The following DLG2 variants were observed in gnomAD, a reference collection of about 807,000 sequenced individuals.
The protein encoded by DLG2 is disks large homolog 2.
Under a neutral mutation model 132.5 loss-of-function variants are expected in DLG2, and 45 were observed. That is an observed-to-expected ratio of 0.34 (90% CI 0.27 to 0.44). DLG2 has a LOEUF of 0.44. Ranked by LOEUF, DLG2 falls within the 20% of genes least tolerant of loss-of-function variation. DLG2 has a pLI of 1.00. For missense variants in DLG2, 1,045 were observed against 1,196.9 expected, an observed-to-expected ratio of 0.87 and a Z score of 1.87; for synonymous variants, 424 against 419.6, an observed-to-expected ratio of 1.01 and a Z score of -0.13.
chr11:85,294,117 A>G (rs2079078341), intron 3 of DLG2, among the ~76,000 whole-genome samples: 1 of 152,152 alleles, frequency 6.6e-6, no homozygotes, highest in Admixed American at 6.6e-5. Context: ...ATATGTATAT[A>G]TGTGTATATG....
intron 18 of DLG2, among the ~76,000 whole-genome samples, chr11:83,722,872 C>G (rs139288890): frequency 6.6e-6 from 1 of 152,118 alleles, no homozygotes; most frequent in Non-Finnish European, 1.5e-5. Context: ...TATGAAATGA[C>G]GCATCTGGCT....
intron 3 of DLG2, among the ~76,000 whole-genome samples, chr11:85,490,486 T>C (rs948791000): frequency 1.3e-5 from 2 of 151,546 alleles, no homozygotes; most frequent in African/African-American, 4.8e-5. Context: ...ATCTTAATAA[T>C]ATAATCAATG....
intron 18 of DLG2, among the ~76,000 whole-genome samples, chr11:83,657,521 T>C (rs1287445038): frequency 3.3e-5 from 5 of 150,982 alleles, no homozygotes; most frequent in Non-Finnish European, 7.4e-5. Flanking sequence ...CGTGCTTTTA[T>C]ATATTGTCTA....
chr11:85,156,648 T>G (rs1013599633), intron 4 of DLG2, among the ~76,000 whole-genome samples: 22 of 152,182 alleles, frequency 1.4e-4, no homozygotes, highest in African/African-American at 5.1e-4. Flanking sequence ...TGTCCTCTGA[T>G]GAGACCCACT....
At chr11:85,433,426 T>A (rs1314273555) in intron 3 of DLG2, among the ~76,000 whole-genome samples, 4 of 152,162 alleles carry the variant, frequency 2.6e-5, no homozygotes, top group African/African-American at 9.7e-5. Flanking sequence ...ACCCATTTCA[T>A]GTTCAAAGAC....
At chr11:84,969,281 G>A (rs2053744060) in intron 6 of DLG2, among the ~76,000 whole-genome samples, 1 of 152,094 alleles carries the variant, frequency 6.6e-6, no homozygotes, top group African/African-American at 2.4e-5. Context: ...CCATAGTGAT[G>A]TCACCTCCAG....
At chr11:84,622,208 A>C (rs1014991512) in intron 6 of DLG2, among the ~76,000 whole-genome samples, 5 of 152,200 alleles carry the variant, frequency 3.3e-5, no homozygotes, top group Non-Finnish European at 7.3e-5. Context: ...TTTGTGTCAG[A>C]GAAAAAAATA....
At chr11:84,057,215 T>C (rs561060368) in intron 11 of DLG2, among the ~76,000 whole-genome samples, 3 of 152,290 alleles carry the variant, frequency 2.0e-5, no homozygotes, top group African/African-American at 7.2e-5. Context: ...ATATGTGTTC[T>C]TGGTAAAATT....
intron 7 of DLG2, among the ~76,000 whole-genome samples, chr11:84,432,700 G>T (rs2098988261): frequency 6.6e-6 from 1 of 152,146 alleles, no homozygotes; most frequent in Admixed American, 6.6e-5. Flanking sequence ...AGACAAGGGG[G>T]AGAGTAGAAC....
chr11:85,138,567 C>T (rs902969272), intron 5 of DLG2, among the ~76,000 whole-genome samples: 1 of 152,166 alleles, frequency 6.6e-6, no homozygotes, highest in African/African-American at 2.4e-5. Flanking sequence ...TGTGTCCCCA[C>T]CCAAATCTCA....
chr11:84,979,644 C>G (rs2055439258), intron 6 of DLG2, among the ~76,000 whole-genome samples: 1 of 150,564 alleles, frequency 6.6e-6, no homozygotes, highest in Non-Finnish European at 1.5e-5. Flanking sequence ...CGTCACACAC[C>G]AGGGCCTGTT....
intron 22 of DLG2, 114 bp from the exon 23 acceptor site, chr11:83,472,891 T>C (rs1355656803): frequency 1.2e-6 from 1 of 869,432 alleles, no homozygotes; most frequent in African/African-American, 1.7e-5. Context: ...CTCCTTGCTC[T>C]TTCTCCTTGA....
intron 8 of DLG2, among the ~76,000 whole-genome samples, chr11:84,232,306 G>T (rs2097104526): frequency 6.6e-6 from 1 of 152,018 alleles, no homozygotes; most frequent in African/African-American, 2.4e-5. Flanking sequence ...TGACAAGAAT[G>T]AAAGCTCATA....
chr11:84,573,840 T>C (rs532358037), intron 6 of DLG2, among the ~76,000 whole-genome samples: 49 of 152,302 alleles, frequency 3.2e-4, no homozygotes, highest in African/African-American at 1.1e-3. Flanking sequence ...CAATCATTCA[T>C]CTTCATGCTC....
chr11:84,679,842 T>A (rs1376637385), intron 6 of DLG2, among the ~76,000 whole-genome samples: 1 of 152,092 alleles, frequency 6.6e-6, no homozygotes, highest in Non-Finnish European at 1.5e-5. Context: ...CCCAGACTCT[T>A]ATGAAAAAGA....
chr11:84,382,636 G>C (rs1245927365), intron 7 of DLG2, among the ~76,000 whole-genome samples: 2 of 152,046 alleles, frequency 1.3e-5, no homozygotes, highest in African/African-American at 2.4e-5. Flanking sequence ...ATAACCATTT[G>C]TCCTTAAATA....
intron 7 of DLG2, among the ~76,000 whole-genome samples, chr11:84,287,464 T>C (rs536843963): frequency 1.3e-5 from 2 of 152,236 alleles, no homozygotes; most frequent in Non-Finnish European, 2.9e-5. Flanking sequence ...TTTCAAACCA[T>C]AGAATTTTCA....
At chr11:84,214,248 T>TAA (rs1566951359) in intron 8 of DLG2, among the ~76,000 whole-genome samples, 1 of 141,664 alleles carries the variant, frequency 7.1e-6, no homozygotes, top group East Asian at 1.9e-4. Context: ...TGAATATATA[T>TAA]ATACATATAT....
intron 3 of DLG2, among the ~76,000 whole-genome samples, chr11:85,321,898 G>T (rs2081095075): frequency 6.6e-6 from 1 of 152,052 alleles, no homozygotes; most frequent in South Asian, 2.1e-4. Flanking sequence ...GTATAAATTT[G>T]TTGAGTCTGG....
Sources: allele counts gnomAD v4.1 joint callset (sites outside exome capture counted in the v4.1 genomes callset), GRCh38; gene constraint gnomAD v4.1.1; transcripts MANE v1.5; gene names NCBI Gene and HGNC (gene_info 2026-07-23, HGNC 2026-07-21).